DCAKD: variants seen among roughly 807,000 people sequenced by gnomAD.
DCAKD encodes dephospho-CoA kinase domain-containing protein.
A neutral mutation model predicts 18.7 loss-of-function variants in DCAKD; 15 were observed. The observed-to-expected ratio is 0.80, with a 90% CI of 0.54 to 1.24. DCAKD has a LOEUF of 1.24. Among genes scored for constraint, DCAKD ranks in the 50% most tolerant of loss-of-function variants. The pLI, the probability that DCAKD is intolerant of heterozygous loss-of-function variation, is 0.00. For synonymous variants in DCAKD, 130 were observed against 133.0 expected, an observed-to-expected ratio of 0.98 and a Z score of 0.16; for missense variants, 301 against 322.0, an observed-to-expected ratio of 0.93 and a Z score of 0.50.
At chr17:45,034,033 G>T (rs1312687005) in intron 3 of DCAKD, 154 bp downstream of exon 3, 1 of 1,596,774 alleles carries the variant, frequency 6.3e-7, no homozygotes, top group Non-Finnish European at 8.5e-7. Flanking sequence ...TCTGGGGCTG[G>T]TACGGGGCTC....
intron 1 of DCAKD, among the ~76,000 whole-genome samples, chr17:45,042,692 G>T (rs1043109173): frequency 6.6e-6 from 1 of 152,208 alleles, no homozygotes; most frequent in South Asian, 2.1e-4. Context: ...TGCTATTTTT[G>T]TATACGGCTT....
At chr17:45,042,168 T>C (rs1478421600) in intron 1 of DCAKD, among the ~76,000 whole-genome samples, 6 of 151,830 alleles carry the variant, frequency 4.0e-5, no homozygotes, top group African/African-American at 9.7e-5. Flanking sequence ...TGAAGCAGCA[T>C]GGGAGCAAGT....
chr17:45,059,037 G>C (rs934401159), intron 1 of DCAKD, among the ~76,000 whole-genome samples: 6 of 152,132 alleles, frequency 3.9e-5, no homozygotes, highest in African/African-American at 1.4e-4. Context: ...TCAGGAGATC[G>C]AGCCCACCCT....
upstream of DCAKD, among the ~76,000 whole-genome samples, chr17:45,056,479 T>TA (rs35822180): frequency 0.23 from 34,526 of 150,746 alleles, 4,559 homozygotes; most frequent in African/African-American, 0.36. Context: ...TTTATATATA[T>TA]TTTTTTTTTC....
chr17:45,037,889 C>T (rs928384361), intron 1 of DCAKD, among the ~76,000 whole-genome samples: 9 of 151,648 alleles, frequency 5.9e-5, no homozygotes, highest in Non-Finnish European at 8.8e-5. Context: ...GCCTCAAACT[C>T]CCGAATAGCT....
intron 1 of DCAKD, among the ~76,000 whole-genome samples, chr17:45,044,278 TC>T (rs1273727071): frequency 6.6e-6 from 1 of 152,002 alleles, no homozygotes; most frequent in East Asian, 2.0e-4. Context: ...ACAAGGCTCT[TC>T]CCCAGAGGGC....
chr17:45,052,592 G>A (rs2053729734), upstream of DCAKD, among the ~76,000 whole-genome samples: 1 of 152,020 alleles, frequency 6.6e-6, no homozygotes, highest in Non-Finnish European at 1.5e-5. Flanking sequence ...TAAAAGCCGG[G>A]CACGGTGGCT....
At chr17:45,047,230 C>T (rs894821085) in intron 1 of DCAKD, among the ~76,000 whole-genome samples, 5 of 151,658 alleles carry the variant, frequency 3.3e-5, no homozygotes, top group Non-Finnish European at 7.4e-5. Context: ...TCTGCTCACT[C>T]TAGTAAATAT....
intron 2 of DCAKD, 90 bp from the exon 3 acceptor site, chr17:45,034,480 C>T: frequency 6.9e-7 from 1 of 1,449,006 alleles, no homozygotes; most frequent in Non-Finnish European, 9.5e-7. Flanking sequence ...GATGGGGGAA[C>T]TCGGGTGCTT....
intron 1 of DCAKD, among the ~76,000 whole-genome samples, chr17:45,057,619 C>T (rs2053796593): frequency 6.6e-6 from 1 of 150,376 alleles, no homozygotes; most frequent in African/African-American, 2.5e-5. Flanking sequence ...AGGAGAACTG[C>T]TGGAATCCAG....
chr17:45,024,863 G>A, intron 4 of DCAKD, 139 bp from the exon 5 acceptor site: 1 of 1,109,374 alleles, frequency 9.0e-7, no homozygotes. Flanking sequence ...CCTGCTCTGG[G>A]CTACTTAGGG....
At chr17:45,056,912 C>T (rs558929077) in intron 1 of DCAKD, among the ~76,000 whole-genome samples, 1 of 151,980 alleles carries the variant, frequency 6.6e-6, no homozygotes, top group African/African-American at 2.4e-5. Flanking sequence ...GGACTACAGA[C>T]GCCCGCCACC....
chr17:45,037,912 G>A (rs2053341246), intron 1 of DCAKD, among the ~76,000 whole-genome samples: 1 of 151,146 alleles, frequency 6.6e-6, no homozygotes, highest in African/African-American at 2.4e-5. Context: ...GATTACAGGT[G>A]CCCACCACCA....
At chr17:45,055,876 C>T (rs1020779724), upstream of DCAKD, among the ~76,000 whole-genome samples, 20 of 152,144 alleles carry the variant, frequency 1.3e-4, no homozygotes, top group Admixed American at 1.2e-3. Flanking sequence ...TATATGTGGC[C>T]GGGCACAGTG....
At chr17:45,056,871 CG>C (rs1309597425) in intron 1 of DCAKD, among the ~76,000 whole-genome samples, 1 of 151,932 alleles carries the variant, frequency 6.6e-6, no homozygotes, top group East Asian at 1.9e-4. Context: ...TGGTTTACAC[CG>C]TTCTCCTGCC....
At chr17:45,030,662 T>G (rs967494656) in intron 3 of DCAKD, among the ~76,000 whole-genome samples, 12 of 152,204 alleles carry the variant, frequency 7.9e-5, no homozygotes, top group Non-Finnish European at 1.6e-4. Flanking sequence ...ACCCAAAAGA[T>G]AGGTTCTCCC....
At chr17:45,032,660 G>C (rs1378013693) in intron 3 of DCAKD, among the ~76,000 whole-genome samples, 1 of 151,964 alleles carries the variant, frequency 6.6e-6, no homozygotes, top group African/African-American at 2.4e-5. Context: ...GCATGTTCCT[G>C]TAGTCCCAGC....
At position 45,045,059 on chromosome 17, in the gene DCAKD, T is replaced by C. The variant is rs141180127; in HGVS notation, c.-115+6302A>G. 6.9e-3 allele frequency among the ~76,000 whole-genome samples: 1,035 copies of C among 150,054 alleles called. 13 individuals carry two copies. The highest frequency in any genetic ancestry group is 0.024 in the African/African-American group (994 of 41,426). ...GGGCAACAACCTAGATACCTTTATC[T>C]AGGTATCTAGATATCTATAGGCACC... On this transcript the variant is annotated intron_variant, in intron 1 of 4. Transcript: ENST00000651974.
chr17:45,041,097 T>A (rs1360304193), intron 1 of DCAKD, among the ~76,000 whole-genome samples: 1 of 151,942 alleles, frequency 6.6e-6, no homozygotes, highest in Non-Finnish European at 1.5e-5. Context: ...CCTGACCCCC[T>A]CGTCCCGGCC....
Sources: gnomAD v4.1 joint callset for allele counts (sites outside exome capture counted in the v4.1 genomes callset) on GRCh38, gnomAD v4.1.1 for gene constraint, MANE v1.5 for transcripts, NCBI Gene and HGNC (gene_info 2026-07-23, HGNC 2026-07-21) for gene names.